PSMF1: variants seen among roughly 807,000 people sequenced by gnomAD.
PSMF1 encodes the protein proteasome inhibitor PI31 subunit.
A neutral mutation model predicts 29.3 loss-of-function variants in PSMF1; 30 were observed. That is an observed-to-expected ratio of 1.02 (90% confidence interval 0.77 to 1.39). The LOEUF (loss-of-function observed/expected upper bound fraction) is 1.39. Ranked by LOEUF, PSMF1 falls within the 40% of genes most tolerant of loss-of-function variation. PSMF1 has a pLI of 0.00. For synonymous variants in PSMF1, 134 were observed against 139.7 expected (o/e 0.96, Z 0.29); for missense variants, 344 against 357.5 (o/e 0.96, Z 0.31).
chr20:1,120,243 G>C (rs578245897), intron 1 of PSMF1, among the ~76,000 whole-genome samples: 1 of 151,912 alleles, frequency 6.6e-6, no homozygotes, highest in Non-Finnish European at 1.5e-5. Context: ...GGGACCCCAG[G>C]TACACACTCA....
At position 1,165,428 on chromosome 20, in the gene PSMF1, A is replaced by G; in HGVS notation, c.*348A>G. 1 of 1,114,248 alleles carries G rather than the reference A, an allele frequency of 9.0e-7. No homozygotes were observed. Among genetic ancestry groups the G allele is most frequent in the Non-Finnish European group, 1.1e-6 (1 of 911,516 alleles). The allele number at this position is 1,114,248 out of a possible 1,614,324, so 69.0% of individuals were successfully genotyped here. Reference sequence around the variant, plus strand: ...GCTATAAGAACAGAACGCATTTTGGATGTTATTATTAAGAACCAAATGTCA... The same window carrying G: ...GCTATAAGAACAGAACGCATTTTGGGTGTTATTATTAAGAACCAAATGTCA... On this transcript the variant is annotated 3_prime_UTR_variant, in exon 7 of 7. Transcript: ENST00000335877.
chr20:1,140,117 G>A (rs2122528735), intron 4 of PSMF1, among the ~76,000 whole-genome samples: 1 of 152,228 alleles, frequency 6.6e-6, no homozygotes, highest in South Asian at 2.1e-4. Context: ...CTAAAATTCA[G>A]GTAGAAATGC....
At chr20:1,136,385 G>C (rs1325360102) in intron 4 of PSMF1, among the ~76,000 whole-genome samples, 4 of 152,176 alleles carry the variant, frequency 2.6e-5, no homozygotes, top group Admixed American at 2.6e-4. Flanking sequence ...TTCCATGGTG[G>C]AAAGATTTAA....
Position 1,135,116 on chromosome 20 carries a change from T to C in PSMF1, c.366-5T>C, listed in dbSNP as rs1440667720. The C allele has an allele frequency of 3.7e-6, 6 of 1,614,178 alleles. No homozygotes were observed. Among genetic ancestry groups the C allele is most frequent in the Non-Finnish European group, 5.1e-6 (6 of 1,180,004 alleles). On this transcript the variant is annotated splice_region_variant and splice_polypyrimidine_tract_variant and intron_variant, in intron 3 of 6. Transcript: ENST00000335877. ...AGCAGTTGACTCTTCATCTGCTTCCTGCAGGACCTACAAGAACAGTGAGGA... is the reference window on the plus strand; with the variant it reads ...AGCAGTTGACTCTTCATCTGCTTCCCGCAGGACCTACAAGAACAGTGAGGA...
chr20:1,125,195 T>A (rs964811928), intron 1 of PSMF1, among the ~76,000 whole-genome samples: 1 of 152,240 alleles, frequency 6.6e-6, no homozygotes, highest in East Asian at 1.9e-4. Context: ...GATGACTGGC[T>A]TTATTCTTAG....
At chr20:1,153,759 A>G (rs541795534) in intron 4 of PSMF1, among the ~76,000 whole-genome samples, 3 of 152,280 alleles carry the variant, frequency 2.0e-5, no homozygotes, top group African/African-American at 7.2e-5. Flanking sequence ...ATCTTATCTA[A>G]GTCTCATTAG....
At chr20:1,157,686 G>A (rs1480031206) in intron 4 of PSMF1, among the ~76,000 whole-genome samples, 3 of 152,002 alleles carry the variant, frequency 2.0e-5, no homozygotes. Context: ...GGTCGTAGCT[G>A]GTATTGATGA....
chr20:1,171,521 T>C lies in PSMF1; in HGVS notation c.*6441T>C, dbSNP rs573369424. On this transcript the variant is annotated 3_prime_UTR_variant, in exon 7 of 7. Transcript: ENST00000335877. ...GGCCACACAGACCACAAATCCTGGC[T>C]CCAAGTCCAGGGCGTTTCCAGTAAG... Among the ~76,000 whole-genome samples the C allele has an allele frequency of 3.3e-5, 5 of 152,202 alleles. No individual in the cohort carries two copies. Among genetic ancestry groups the C allele is most frequent in the African/African-American group, 4.8e-5 (2 of 41,450 alleles).
chr20:1,131,333 T>C (rs921109259), intron 3 of PSMF1, among the ~76,000 whole-genome samples: 3 of 152,056 alleles, frequency 2.0e-5, no homozygotes, highest in African/African-American at 7.3e-5. Flanking sequence ...GTTTGAGGGG[T>C]TTGTGTGTGA....
At chr20:1,122,392 T>A (rs1431110235) in intron 1 of PSMF1, among the ~76,000 whole-genome samples, 1 of 151,732 alleles carries the variant, frequency 6.6e-6, no homozygotes, top group Non-Finnish European at 1.5e-5. Context: ...CTCTGCCTCC[T>A]GGGTTCAGGC....
chr20:1,154,352 A>G (rs1210290342), intron 4 of PSMF1, among the ~76,000 whole-genome samples: 6 of 152,146 alleles, frequency 3.9e-5, no homozygotes, highest in Admixed American at 6.5e-5. Context: ...GCATTTCCCA[A>G]CCCTTCTCAG....
intron 4 of PSMF1, among the ~76,000 whole-genome samples, chr20:1,146,169 T>G (rs1410027192): frequency 6.6e-6 from 1 of 152,194 alleles, no homozygotes; most frequent in Non-Finnish European, 1.5e-5. Context: ...CAGAGATACT[T>G]CATGAGTATC....
chr20:1,149,719 T>G (rs1336891010), intron 4 of PSMF1, among the ~76,000 whole-genome samples: 1 of 152,210 alleles, frequency 6.6e-6, no homozygotes, highest in Non-Finnish European at 1.5e-5. Flanking sequence ...ATGACAACAT[T>G]GTGCCTCTGT....
chr20:1,137,419 G>C (rs900115740), intron 4 of PSMF1, among the ~76,000 whole-genome samples: 1 of 152,160 alleles, frequency 6.6e-6, no homozygotes, highest in African/African-American at 2.4e-5. Context: ...CTAAAAGTGG[G>C]ATAGCCAGAT....
At chr20:1,121,143 A>T (rs961430532) in intron 1 of PSMF1, among the ~76,000 whole-genome samples, 4 of 148,904 alleles carry the variant, frequency 2.7e-5, no homozygotes, top group African/African-American at 9.9e-5. Context: ...TTTTTTTTTT[A>T]AAAAGGTCCT....
At chr20:1,132,526 T>C (rs2086243574) in intron 3 of PSMF1, among the ~76,000 whole-genome samples, 4 of 152,102 alleles carry the variant, frequency 2.6e-5, no homozygotes. Context: ...CCACCCATCT[T>C]AGCCTCCCAA....
chr20:1,158,562 G>A lies in PSMF1; in HGVS notation c.552-4568G>A, dbSNP rs531554065. Among the ~76,000 whole-genome samples the A allele has an allele frequency of 5.5e-4, 84 of 152,304 alleles. 1 individual carries two copies. The highest frequency in any genetic ancestry group is 1.1e-3 in the Admixed American group (17 of 15,302). On this transcript the variant is annotated intron_variant, in intron 4 of 6. Transcript: ENST00000335877. ...TGTCAGCTGGATTTGTGTGCCCAAC[G>A]AGGTGTGTTGCTTTTATGTAAAAGA... is the stretch of plus-strand genomic sequence containing the variant.
upstream of PSMF1, among the ~76,000 whole-genome samples, chr20:1,113,951 A>G (rs2085991935): frequency 6.6e-6 from 1 of 151,948 alleles, no homozygotes. Context: ...TCAGCCTCCC[A>G]AAGTGCTGGG....
chr20:1,150,622 C>T lies in PSMF1; in HGVS notation c.552-12508C>T, dbSNP rs1002273260. 3.9e-5 allele frequency among the ~76,000 whole-genome samples: 6 copies of T among 151,960 alleles called. 2 individuals are homozygous for T. Among genetic ancestry groups the T allele is most frequent in the Admixed American group, 3.9e-4 (6 of 15,266 alleles). On this transcript the variant is annotated intron_variant, in intron 4 of 6. Transcript: ENST00000335877. ...TTTCTATTGGCTTGTCTTTTTATGA[C>T]TTGTTGGCATTGTTTATATAATATA...
Sources: gnomAD v4.1 joint callset for allele counts (sites outside exome capture counted in the v4.1 genomes callset) on GRCh38, gnomAD v4.1.1 for gene constraint, MANE v1.5 for transcripts, NCBI Gene and HGNC (gene_info 2026-07-23, HGNC 2026-07-21) for gene names.